Variants in UNC13B observed in about 807,000 individuals in gnomAD.
UNC13B encodes the protein unc-13 homolog B.
Under a neutral mutation model 211.0 loss-of-function variants are expected in UNC13B, and 144 were observed. That is an observed-to-expected ratio of 0.68 (90% CI 0.60 to 0.78). The LOEUF is 0.78. UNC13B is among the 30% of genes least tolerant of loss of function. The pLI is 0.00. For missense variants in UNC13B, 1,777 were observed against 2,002.0 expected (o/e 0.89, Z 2.14); for synonymous variants, 709 against 725.8 (o/e 0.98, Z 0.37).
intron 7 of UNC13B, among the ~76,000 whole-genome samples, chr9:35,259,722 A>T (rs982606362): frequency 6.2e-5 from 8 of 128,526 alleles, no homozygotes; most frequent in Non-Finnish European, 1.1e-4. Context: ...ACACTAAAGG[A>T]CTGACTTAGA....
chr9:35,357,638 A>T (rs1483076094), intron 11 of UNC13B, among the ~76,000 whole-genome samples: 1 of 147,686 alleles, frequency 6.8e-6, no homozygotes, highest in African/African-American at 2.5e-5. Context: ...CTGTAATCCC[A>T]GCACTTTGGG....
intron 11 of UNC13B, among the ~76,000 whole-genome samples, chr9:35,354,815 A>C (rs1832925278): frequency 6.6e-6 from 1 of 152,204 alleles, no homozygotes; most frequent in African/African-American, 2.4e-5. Context: ...AAATTGGCAT[A>C]ATCTCTAAGG....
intron 1 of UNC13B, among the ~76,000 whole-genome samples, chr9:35,206,407 A>C (rs1306784541): frequency 1.3e-5 from 2 of 151,882 alleles, no homozygotes; most frequent in Non-Finnish European, 2.9e-5. Flanking sequence ...CCTGGTAACC[A>C]CTAATCTGTC....
chr9:35,162,306 G>A lies in UNC13B; in HGVS notation c.22+1G>A. ...GCCATGTCACTGCTCTGCGTGCGCG[G>A]TGAGTGCGCGGACTGAGGCGGGGAG... On this transcript the variant is annotated splice_donor_variant, in intron 1 of 39. Coordinates refer to ENST00000635942, the MANE Select transcript of UNC13B (RefSeq NM_001371189.2). LOFTEE classifies it high-confidence loss of function. The A allele has an allele frequency of 1.3e-6, 2 of 1,543,940 alleles. No homozygotes were observed. Among genetic ancestry groups the A allele is most frequent in the Non-Finnish European group, 8.7e-7 (1 of 1,149,746 alleles).
chr9:35,242,646 C>G (rs1258850761), intron 5 of UNC13B, among the ~76,000 whole-genome samples: 1 of 152,082 alleles, frequency 6.6e-6, no homozygotes, highest in Non-Finnish European at 1.5e-5. Context: ...GAATAATGCT[C>G]CGTTGTATGT....
rs568241560 is a variant in UNC13B at position 35,218,108 on chromosome 9, A to G, written c.23-9907A>G. ...TGAGTACCTGGCATTTTTACTTTCT[A>G]TTATATATTGTGAGATAGGCTCTTT... On this transcript the variant is annotated intron_variant, in intron 1 of 39. Coordinates refer to ENST00000635942, the MANE Select transcript of UNC13B (RefSeq NM_001371189.2). Among the ~76,000 whole-genome samples the G allele has an allele frequency of 2.7e-3, 416 of 152,188 alleles. 1 individual carries two copies. The highest frequency in any genetic ancestry group is 4.4e-3 in the Non-Finnish European group (300 of 67,992).
chr9:35,190,615 C>T lies in UNC13B; in HGVS notation c.22+28310C>T, dbSNP rs577564398. Among the ~76,000 whole-genome samples the T allele has an allele frequency of 9.9e-5, 15 of 151,944 alleles. No individual in the cohort carries two copies. In the East Asian group the frequency reaches 2.7e-3, roughly 27 times the overall value. On this transcript the variant is annotated intron_variant, in intron 1 of 39. Coordinates refer to ENST00000635942, the MANE Select transcript of UNC13B (RefSeq NM_001371189.2). ...TTTTTCCCAAGGAGTCCCCGGCTAC[C>T]GGAAGTTATCTTAGGGCCTGTCATA...
chr9:35,245,391 C>T (rs1826031553), intron 6 of UNC13B, among the ~76,000 whole-genome samples: 1 of 150,582 alleles, frequency 6.6e-6, no homozygotes, highest in South Asian at 2.1e-4. Context: ...GGTACATGTG[C>T]ACAATGTGCA....
chr9:35,206,455 T>G (rs1450749453), intron 1 of UNC13B, among the ~76,000 whole-genome samples: 1 of 152,206 alleles, frequency 6.6e-6, no homozygotes, highest in Non-Finnish European at 1.5e-5. Context: ...GGTTATGTCA[T>G]CTAAAAGGTA....
At chr9:35,187,269 C>T (rs1455751823) in intron 1 of UNC13B, among the ~76,000 whole-genome samples, 1 of 152,164 alleles carries the variant, frequency 6.6e-6, no homozygotes, top group East Asian at 1.9e-4. Context: ...TATGGGCACC[C>T]TATTCACTTT....
Position 35,307,381 on chromosome 9 carries a change from T to G in UNC13B, c.7977T>G (p.Pro2659=). The change falls in exon 9 of 40, where the codon CCT becomes CCG. Residue 2659 remains proline (P), a synonymous_variant. Transcript: ENST00000635942. ...FALPAQLHPD[P]TCIAEELPPP... ...TGCCAGCACAGTTGCATCCAGATCC[T>G]ACCTGCATTGCCGAAGAGCTTCCTC... The G allele has an allele frequency of 2.5e-6, 1 of 399,044 alleles. No individual in the cohort carries two copies. Among genetic ancestry groups the G allele is most frequent in the Non-Finnish European group, 4.4e-6 (1 of 226,116 alleles). 24.7% of individuals were successfully genotyped at this position (399,044 alleles called of 1,614,324 possible).
chr9:35,399,239 C>T lies in UNC13B; in HGVS notation c.12153C>T (p.Asn4051=), dbSNP rs1429339536. The change falls in exon 34 of 40, where the codon AAC becomes AAT. Residue 4051 remains asparagine, a synonymous_variant. Coordinates refer to ENST00000635942, the MANE Select transcript of UNC13B (RefSeq NM_001371189.2). ...VLKELWRVVM[N]TMERMIVLPP... The stretch of plus-strand genomic sequence containing the variant: ...AGGAGCTCTGGCGCGTGGTGATGAA[C>T]ACAATGGAGAGGATGATTGTTCTGC... 2 of 1,614,132 alleles carry T rather than the reference C, an allele frequency of 1.2e-6. No homozygotes were observed. Among genetic ancestry groups the T allele is most frequent in the Non-Finnish European group, 1.7e-6 (2 of 1,180,018 alleles).
At chr9:35,190,556 C>G (rs1201772961) in intron 1 of UNC13B, among the ~76,000 whole-genome samples, 5 of 152,108 alleles carry the variant, frequency 3.3e-5, no homozygotes, top group South Asian at 4.2e-4. Context: ...TCTTCCCCCC[C>G]TCCCCCAAAA....
chr9:35,400,725 A>T (rs1408603969), intron 37 of UNC13B, among the ~76,000 whole-genome samples: 2 of 152,214 alleles, frequency 1.3e-5, no homozygotes, highest in Non-Finnish European at 2.9e-5. Flanking sequence ...ATATACCCTG[A>T]CTGGTAAGCG....
At chr9:35,358,872 G>T (rs1320796006) in intron 11 of UNC13B, among the ~76,000 whole-genome samples, 3 of 151,600 alleles carry the variant, frequency 2.0e-5, no homozygotes, top group African/African-American at 7.3e-5. Flanking sequence ...TTAATTTTTT[G>T]TATTTTTAGT....
rs1371504221 is a variant in UNC13B, at chr9:35,231,285, T to C, written c.152+66T>C. 3 of 1,025,242 alleles carry C rather than the reference T, an allele frequency of 2.9e-6. No individual in the cohort carries two copies. The Admixed American group carries it at 5.7e-5, about 19-fold the overall frequency. The allele number at this position is 1,025,242 out of a possible 1,614,324, so 63.5% of individuals were successfully genotyped here. A position where few individuals can be genotyped will look rare whatever the true frequency, so the allele number is the denominator to read the frequency against. On this transcript the variant is annotated intron_variant, in intron 3 of 39. Transcript: ENST00000635942. ...ATCTTTTTAAGGGAATTGCATTGGA[T>C]GAAACAATTAGAAGATTTTGTGTAT... is the stretch of plus-strand genomic sequence containing the variant.
intron 7 of UNC13B, 64 bp from the exon 8 acceptor site, chr9:35,295,632 C>T: frequency 2.0e-6 from 3 of 1,505,486 alleles, no homozygotes; most frequent in Non-Finnish European, 2.8e-6. Flanking sequence ...AAGTTAGAAG[C>T]AGAAATAATT....
chr9:35,317,118 T>TA (rs1830497511), intron 11 of UNC13B, among the ~76,000 whole-genome samples: 1 of 152,182 alleles, frequency 6.6e-6, no homozygotes, highest in South Asian at 2.1e-4. Flanking sequence ...AGGTTCATGC[T>TA]AAAAAAATTT....
chr9:35,368,195 C>G (rs530569111), intron 12 of UNC13B, among the ~76,000 whole-genome samples: 31 of 152,184 alleles, frequency 2.0e-4, no homozygotes, highest in Non-Finnish European at 4.0e-4. Flanking sequence ...ATTTTTTCTG[C>G]TCCTCTCCCT....
Sources: allele counts gnomAD v4.1 joint callset (sites outside exome capture counted in the v4.1 genomes callset), GRCh38; gene constraint gnomAD v4.1.1; transcripts MANE v1.5; gene names NCBI Gene and HGNC (gene_info 2026-07-23, HGNC 2026-07-21).